Variants in PATL1 observed in about 807,000 individuals in gnomAD.
The protein encoded by PATL1 is protein PAT1 homolog 1.
A neutral mutation model predicts 100.6 loss-of-function variants in PATL1; 32 were observed. That is an observed-to-expected ratio of 0.32 (90% CI 0.24 to 0.43). The LOEUF is 0.43. Among genes scored for constraint, PATL1 ranks in the 20% least tolerant of loss-of-function variants. The pLI is 1.00. For synonymous variants in PATL1, 332 were observed against 330.0 expected (o/e 1.01, Z -0.07); for missense variants, 747 against 949.9 (o/e 0.79, Z 2.81).
chr11:59,662,647 A>C (rs1221037890), intron 2 of PATL1, among the ~76,000 whole-genome samples: 1 of 152,178 alleles, frequency 6.6e-6, no homozygotes, highest in Non-Finnish European at 1.5e-5. Flanking sequence ...CAACTTTACT[A>C]ACTTAGCAAT....
At chr11:59,643,956 G>A (rs1203430710) in intron 15 of PATL1, among the ~76,000 whole-genome samples, 1 of 152,082 alleles carries the variant, frequency 6.6e-6, no homozygotes, top group Non-Finnish European at 1.5e-5. Flanking sequence ...AAATAACTAG[G>A]TTATAACACA....
At chr11:59,661,695 G>T (rs1370223498) in intron 2 of PATL1, among the ~76,000 whole-genome samples, 1 of 152,166 alleles carries the variant, frequency 6.6e-6, no homozygotes, top group East Asian at 1.9e-4. Context: ...TGTAACTTAA[G>T]TGAAAGTTCC....
intron 2 of PATL1, among the ~76,000 whole-genome samples, 176 bp from the exon 3 acceptor site, chr11:59,659,645 G>A (rs1015535438): frequency 2.6e-5 from 4 of 151,632 alleles, no homozygotes; most frequent in African/African-American, 7.3e-5. Flanking sequence ...AATTCTCTGC[G>A]TCAGCCTCCC....
At chr11:59,643,249 C>T (rs1861312752) in intron 15 of PATL1, among the ~76,000 whole-genome samples, 1 of 151,728 alleles carries the variant, frequency 6.6e-6, no homozygotes, top group Admixed American at 6.6e-5. Flanking sequence ...CTTGTGTGAA[C>T]CAAAGGTGTA....
Position 59,668,927 on chromosome 11 carries a change from G to GTCACTTCCGGTCGCA in PATL1, c.-33_-32insTGCGACCGGAAGTGA. On this transcript the variant is annotated 5_prime_UTR_variant, in exon 1 of 19. Coordinates refer to ENST00000300146, the MANE Select transcript of PATL1 (RefSeq NM_152716.3). ...GGAGGGGGGCAGGGAGCGGGGAGGG[G>GTCACTTCCGGTCGCA]AGAGGGGGAGGGAGGGAAGAAGCGC... The GTCACTTCCGGTCGCA allele has an allele frequency of 2.3e-6, 1 of 432,012 alleles. No homozygotes were observed. The highest frequency in any genetic ancestry group is 4.2e-6 in the Non-Finnish European group (1 of 238,060). The allele number at this position is 432,012 out of a possible 1,614,324, so 26.8% of individuals were successfully genotyped here.
At chr11:59,658,174 A>AAAG (rs1554984899) in intron 4 of PATL1, among the ~76,000 whole-genome samples, 22 of 150,588 alleles carry the variant, frequency 1.5e-4, no homozygotes, top group Admixed American at 4.0e-4. Flanking sequence ...AAAAAAAAAA[A>AAAG]AAAGAAAGAA....
intron 2 of PATL1, among the ~76,000 whole-genome samples, chr11:59,660,131 T>C (rs148703385): frequency 2.8e-4 from 42 of 152,340 alleles, no homozygotes; most frequent in African/African-American, 9.9e-4. Flanking sequence ...AAGCAAAAAC[T>C]TTAAAGGGAA....
chr11:59,639,018 A>C (rs1590692028), intron 18 of PATL1, 30 bp downstream of exon 18: 2 of 1,606,042 alleles, frequency 1.2e-6, no homozygotes, highest in East Asian at 4.5e-5. Context: ...AACTTTAGTG[A>C]GATGTGAAAC....
intron 14 of PATL1, among the ~76,000 whole-genome samples, chr11:59,648,578 C>T (rs762608779): frequency 2.3e-4 from 34 of 150,788 alleles, no homozygotes; most frequent in South Asian, 1.3e-3. Context: ...ATTAGTGTTA[C>T]CATTTTAAAC....
Position 59,656,010 on chromosome 11 carries a change from A to G in PATL1, c.759T>C (p.Ser253=), listed in dbSNP as rs1861524794. The G allele has an allele frequency of 6.3e-7, 1 of 1,577,276 alleles. No homozygotes were observed. ...SSLLGHPFPP[S]VPPVLSPLQR... ...GGAGGGGGCTGAGAACAGGAGGAAC[A>G]CTAGGAGGAAAAGGGTGACCCAGGA... Residue 253 remains serine (S), a synonymous_variant, in exon 7 of 19, where the codon AGT becomes AGC. Coordinates refer to ENST00000300146, the MANE Select transcript of PATL1 (RefSeq NM_152716.3).
intron 14 of PATL1, 65 bp downstream of exon 14, chr11:59,649,397 T>G: frequency 3.9e-6 from 6 of 1,557,490 alleles, no homozygotes; most frequent in South Asian, 1.2e-5. Flanking sequence ...CAAAAATGTA[T>G]GAAATCCAGT....
In PATL1 at chr11:59,652,855, C is replaced by A. The variant is rs1861466286; in HGVS notation, c.1285G>T (p.Asp429Tyr). ...GTATTTACCTGGTAATAAAAATCATCCAGGTAGGGATCAGTGCTTTGCAGT... is the reference window on the plus strand; with the variant it reads ...GTATTTACCTGGTAATAAAAATCATACAGGTAGGGATCAGTGCTTTGCAGT... Reference protein sequence around the residue: ...MQLQSTDPYLDDFYYQNYFEK... With the variant: ...MQLQSTDPYLYDFYYQNYFEK... The change falls in exon 10 of 19, where the codon GAT (aspartate) becomes TAT (tyrosine). Residue 429 changes from aspartate (D) to tyrosine (Y), a missense_variant. This residue lies in a region of PATL1 where 434 missense variants were observed against 596.1 expected (regional missense o/e 0.73). Coordinates refer to ENST00000300146, the MANE Select transcript of PATL1 (RefSeq NM_152716.3). The A allele has an allele frequency of 6.2e-7, 1 of 1,613,592 alleles. No homozygotes were observed. The highest frequency in any genetic ancestry group is 1.3e-5 in the African/African-American group (1 of 75,042).
chr11:59,651,840 A>G (rs760291694), intron 11 of PATL1, among the ~76,000 whole-genome samples, 199 bp from the exon 12 acceptor site: 3 of 151,856 alleles, frequency 2.0e-5, no homozygotes, highest in Non-Finnish European at 2.9e-5. Flanking sequence ...CGAGGGGGGT[A>G]GATCACTTGA....
chr11:59,639,434 T>G (rs752099357), intron 16 of PATL1, 51 bp from the exon 17 acceptor site: 51 of 1,373,300 alleles, frequency 3.7e-5, no homozygotes, highest in Non-Finnish European at 5.2e-5. Flanking sequence ...CTAAACCTCC[T>G]CCACCACTGT....
intron 11 of PATL1, among the ~76,000 whole-genome samples, 174 bp downstream of exon 11, chr11:59,652,290 A>T (rs1353096663): frequency 6.6e-6 from 1 of 152,184 alleles, no homozygotes; most frequent in Non-Finnish European, 1.5e-5. Flanking sequence ...CAAAGCGTTC[A>T]GTCCAGACGT....
chr11:59,650,391 T>G (rs901853737), intron 13 of PATL1, among the ~76,000 whole-genome samples: 1 of 152,212 alleles, frequency 6.6e-6, no homozygotes. Flanking sequence ...CCCAGAATAG[T>G]GCCCAGTAAA....
In PATL1 at chr11:59,654,147, A is replaced by G. The variant is rs1390600242; in HGVS notation, c.1032-75T>C. 15 of 1,266,224 alleles carry G rather than the reference A, an allele frequency of 1.2e-5. No homozygotes were observed. The Admixed American group carries it at 1.2e-4, about 10-fold the overall frequency. The allele number at this position is 1,266,224 out of a possible 1,614,324, so 78.4% of individuals were successfully genotyped here. On this transcript the variant is annotated intron_variant, in intron 8 of 18. Transcript: ENST00000300146. ...AAATTTTAAAGAATGTTGTCAGTAGAGGATAACTTCATACAGGTTAACTTA... is the reference window on the plus strand; with the variant it reads ...AAATTTTAAAGAATGTTGTCAGTAGGGGATAACTTCATACAGGTTAACTTA...
chr11:59,644,906 T>TC (rs1434884454), intron 15 of PATL1, among the ~76,000 whole-genome samples: 1 of 144,498 alleles, frequency 6.9e-6, no homozygotes, highest in Non-Finnish European at 1.5e-5. Flanking sequence ...TTTTTTTTTT[T>TC]TTTAAAAAAA....
chr11:59,639,433 C>CT, intron 16 of PATL1, 50 bp from the exon 17 acceptor site: 1 of 1,385,428 alleles, frequency 7.2e-7, no homozygotes, highest in Non-Finnish European at 1.0e-6. Context: ...TCTAAACCTC[C>CT]TCCACCACTG....
Sources: allele counts gnomAD v4.1 joint callset (sites outside exome capture counted in the v4.1 genomes callset), GRCh38; gene constraint gnomAD v4.1.1; regional missense constraint gnomAD v4.1.1; transcripts MANE v1.5; gene names NCBI Gene and HGNC (gene_info 2026-07-23, HGNC 2026-07-21).